Variants in OPCML observed in about 807,000 individuals in gnomAD.
OPCML encodes the protein opioid-binding protein/cell adhesion molecule.
In OPCML, 13 loss-of-function variants were observed where a neutral mutation model predicts 37.8. The ratio of observed to expected loss-of-function variants is 0.34; its 90% CI spans 0.22 to 0.55. The LOEUF (loss-of-function observed/expected upper bound fraction) is 0.55, where lower values mean the gene tolerates loss of function less well. Ranked by LOEUF, OPCML falls within the 20% of genes least tolerant of loss-of-function variation. The pLI, the probability that OPCML is intolerant of heterozygous loss-of-function variation, is 0.91. For synonymous variants in OPCML, 176 were observed against 168.8 expected (o/e 1.04, Z -0.33); for missense variants, 341 against 435.6 (o/e 0.78, Z 1.93).
chr11:133,221,057 A>C (rs1939797267), intron 1 of OPCML, among the ~76,000 whole-genome samples: 1 of 152,210 alleles, frequency 6.6e-6, no homozygotes. Context: ...AGATCCCCAA[A>C]CTATTTTGTA....
At chr11:133,088,828 C>T (rs1948858898) in intron 1 of OPCML, among the ~76,000 whole-genome samples, 1 of 152,156 alleles carries the variant, frequency 6.6e-6, no homozygotes, top group Non-Finnish European at 1.5e-5. Context: ...GGCAGTGCTT[C>T]TAAAACGGGG....
intron 1 of OPCML, among the ~76,000 whole-genome samples, chr11:133,145,117 T>C (rs1173757404): frequency 6.6e-6 from 1 of 152,188 alleles, no homozygotes; most frequent in Non-Finnish European, 1.5e-5. Flanking sequence ...TTTGGACTTA[T>C]CATGTATGCT....
At chr11:132,918,013 T>TAAAAA (rs1281576241) in intron 2 of OPCML, among the ~76,000 whole-genome samples, 1 of 152,192 alleles carries the variant, frequency 6.6e-6, no homozygotes, top group Non-Finnish European at 1.5e-5. Context: ...TAAAAAATTG[T>TAAAAA]TTTAATATGT....
intron 2 of OPCML, among the ~76,000 whole-genome samples, chr11:132,802,934 C>G (rs761887266): frequency 6.6e-6 from 1 of 152,302 alleles, no homozygotes; most frequent in African/African-American, 2.4e-5. Flanking sequence ...AGTACTTAGA[C>G]TTCACTTAGA....
At chr11:133,215,818 C>T (rs1319044252) in intron 1 of OPCML, among the ~76,000 whole-genome samples, 1 of 152,176 alleles carries the variant, frequency 6.6e-6, no homozygotes, top group Admixed American at 6.5e-5. Context: ...ACCCGCTGTT[C>T]TGGGTGGCTG....
At chr11:133,140,531 T>TAATAATAATAAGAAG (rs1272061685) in intron 1 of OPCML, among the ~76,000 whole-genome samples, 1,385 of 88,024 alleles carry the variant, frequency 0.016, 14 homozygotes, top group Non-Finnish European at 0.018. Context: ...ATAATAATAA[T>TAATAATAATAAGAAG]AAGAAGAAGA....
intron 4 of OPCML, among the ~76,000 whole-genome samples, chr11:132,508,370 G>A (rs1000180652): frequency 6.6e-6 from 1 of 152,114 alleles, no homozygotes; most frequent in Non-Finnish European, 1.5e-5. Context: ...AGTATGTCAT[G>A]ACCACACCAG....
intron 1 of OPCML, among the ~76,000 whole-genome samples, chr11:133,410,596 T>A (rs1945625574): frequency 6.8e-6 from 1 of 146,274 alleles, no homozygotes; most frequent in Non-Finnish European, 1.5e-5. Context: ...TGTTGCTTTT[T>A]TTTTTCTTTG....
At chr11:133,410,906 T>C (rs1171822073) in intron 1 of OPCML, among the ~76,000 whole-genome samples, 1 of 152,178 alleles carries the variant, frequency 6.6e-6, no homozygotes, top group African/African-American at 2.4e-5. Context: ...TTAGAGACCA[T>C]GGGACCACCC....
chr11:132,539,622 A>G (rs1297079457), intron 3 of OPCML, among the ~76,000 whole-genome samples: 4 of 152,064 alleles, frequency 2.6e-5, no homozygotes, highest in Non-Finnish European at 5.9e-5. Flanking sequence ...GATAGTGATA[A>G]TAACGGTGAT....
intron 1 of OPCML, chr11:133,006,091 G>T (rs1410594243): frequency 1.0e-6 from 1 of 985,414 alleles, no homozygotes; most frequent in Non-Finnish European, 1.2e-6. Context: ...AGTGAGACCA[G>T]GGTTTCTGGC....
intron 1 of OPCML, among the ~76,000 whole-genome samples, chr11:133,261,833 C>T (rs1411422087): frequency 6.6e-6 from 1 of 152,140 alleles, no homozygotes; most frequent in Non-Finnish European, 1.5e-5. Context: ...TCTGGCTGAG[C>T]GGTGGCTCTA....
intron 1 of OPCML, among the ~76,000 whole-genome samples, chr11:133,109,389 C>T (rs138435817): frequency 1.3e-3 from 204 of 152,238 alleles, no homozygotes; most frequent in Non-Finnish European, 3.5e-4. Context: ...CTTGTCCCCG[C>T]CCATGTTCTG....
chr11:133,280,286 T>C (rs1243388401), intron 1 of OPCML, among the ~76,000 whole-genome samples: 1 of 152,234 alleles, frequency 6.6e-6, no homozygotes. Context: ...TTTTGCATGA[T>C]CTTAGAAGTA....
chr11:133,040,642 C>T (rs552752412), intron 1 of OPCML, among the ~76,000 whole-genome samples: 2 of 152,126 alleles, frequency 1.3e-5, no homozygotes, highest in South Asian at 2.1e-4. Flanking sequence ...GGCAGGACAT[C>T]GTCCAGGCCT....
At chr11:132,558,032 T>C (rs1565663805) in intron 3 of OPCML, among the ~76,000 whole-genome samples, 2 of 152,066 alleles carry the variant, frequency 1.3e-5, no homozygotes, top group Non-Finnish European at 2.9e-5. Flanking sequence ...GTCCCTACTA[T>C]GTGTAGGGCA....
chr11:133,257,072 A>G (rs1248644849), intron 1 of OPCML, among the ~76,000 whole-genome samples: 1 of 152,240 alleles, frequency 6.6e-6, no homozygotes, highest in Non-Finnish European at 1.5e-5. Context: ...ATTGTCTTGC[A>G]AAATTCCTAA....
At chr11:132,633,279 T>G (rs1459767557) in intron 3 of OPCML, among the ~76,000 whole-genome samples, 1 of 151,366 alleles carries the variant, frequency 6.6e-6, no homozygotes. Context: ...CTCGGCTCAC[T>G]GCAACCTCTA....
chr11:133,017,307 G>A (rs1947352057), intron 1 of OPCML, among the ~76,000 whole-genome samples: 1 of 152,108 alleles, frequency 6.6e-6, no homozygotes, highest in Admixed American at 6.5e-5. Context: ...ATATCTGGGG[G>A]AATACAGTCT....
Sources: allele counts gnomAD v4.1 joint callset (sites outside exome capture counted in the v4.1 genomes callset), GRCh38; gene constraint gnomAD v4.1.1; transcripts MANE v1.5; gene names NCBI Gene and HGNC (gene_info 2026-07-23, HGNC 2026-07-21).